The following VOPP1 variants were observed in gnomAD, a reference collection of about 807,000 sequenced individuals.
VOPP1 encodes the protein VOPP1 WW domain binding protein.
A neutral mutation model predicts 23.5 loss-of-function variants in VOPP1; 8 were observed. That is an observed-to-expected ratio of 0.34 (90% CI 0.20 to 0.61). VOPP1 has a LOEUF of 0.61. Ranked by LOEUF, VOPP1 falls within the 20% of genes least tolerant of loss-of-function variation. The pLI, the probability that VOPP1 is intolerant of heterozygous loss-of-function variation, is 0.78. For synonymous variants in VOPP1, 83 were observed against 97.3 expected (o/e 0.85, Z 0.86); for missense variants, 174 against 238.1 (o/e 0.73, Z 1.77).
intron 1 of VOPP1, among the ~76,000 whole-genome samples, chr7:55,542,321 T>C (rs1465943296): frequency 1.3e-5 from 2 of 152,238 alleles, no homozygotes; most frequent in Non-Finnish European, 2.9e-5. Context: ...TTTTGTTAAC[T>C]ACAGTTGCTC....
chr7:55,513,255 G>A (rs893732751), intron 2 of VOPP1, among the ~76,000 whole-genome samples: 2 of 152,060 alleles, frequency 1.3e-5, no homozygotes, highest in African/African-American at 4.8e-5. Flanking sequence ...CCTACACACT[G>A]GCTCCCTCCC....
At chr7:55,552,829 C>A (rs759425114) in intron 1 of VOPP1, 8 of 1,440,418 alleles carry the variant, frequency 5.6e-6, no homozygotes, top group Non-Finnish European at 5.4e-6. Flanking sequence ...CCATGCTCAA[C>A]CCAGAAAGGT....
At chr7:55,498,105 C>A (rs1186433516) in intron 2 of VOPP1, among the ~76,000 whole-genome samples, 1 of 152,220 alleles carries the variant, frequency 6.6e-6, no homozygotes, top group African/African-American at 2.4e-5. Context: ...GATGGAAATA[C>A]CCCACCACAT....
intron 4 of VOPP1, among the ~76,000 whole-genome samples, chr7:55,447,443 A>G (rs1334056854): frequency 6.6e-6 from 1 of 152,142 alleles, no homozygotes; most frequent in Admixed American, 6.6e-5. Flanking sequence ...TCAAACACTT[A>G]AACAATAGGT....
intron 4 of VOPP1, among the ~76,000 whole-genome samples, chr7:55,474,170 G>A (rs890103241): frequency 1.3e-5 from 2 of 152,218 alleles, no homozygotes; most frequent in Non-Finnish European, 2.9e-5. Context: ...CCCTGCATCT[G>A]TGCCGTCCCA....
chr7:55,497,065 G>A (rs1423585555), intron 3 of VOPP1, among the ~76,000 whole-genome samples: 1 of 152,204 alleles, frequency 6.6e-6, no homozygotes, highest in East Asian at 1.9e-4. Context: ...TCCCCCCATG[G>A]AATGTGCTCC....
intron 1 of VOPP1, among the ~76,000 whole-genome samples, chr7:55,559,642 A>C (rs979854750): frequency 1.3e-5 from 2 of 152,252 alleles, no homozygotes; most frequent in African/African-American, 4.8e-5. Context: ...TCAGAGATGA[A>C]TCTCAGCTTC....
chr7:55,502,750 A>G (rs1165414305), intron 2 of VOPP1, among the ~76,000 whole-genome samples: 3 of 152,358 alleles, frequency 2.0e-5, no homozygotes, highest in African/African-American at 7.2e-5. Context: ...GGATGCATCA[A>G]GTCAAATACT....
intron 3 of VOPP1, among the ~76,000 whole-genome samples, chr7:55,493,933 C>T (rs1177613226): frequency 2.6e-5 from 4 of 152,112 alleles, no homozygotes; most frequent in Middle Eastern, 3.2e-3. Flanking sequence ...GTGAGCAAGA[C>T]TGGGAACACT....
At position 55,542,533 on chromosome 7, in the gene VOPP1, T is replaced by C. The variant is rs1378896197; in HGVS notation, c.55-21403A>G. Among the ~76,000 whole-genome samples, 5 of 152,320 alleles carry C rather than the reference T, an allele frequency of 3.3e-5. No individual in the cohort carries two copies. In the East Asian group the frequency reaches 5.8e-4, roughly 18 times the overall value. On this transcript the variant is annotated intron_variant, in intron 1 of 4. Coordinates refer to ENST00000285279, the MANE Select transcript of VOPP1 (RefSeq NM_030796.5). ...AGGCTGGCATGGTGGCTCATGCCTG[T>C]GATCCCAGCACTTTGGGAGGCCGAG...
intron 2 of VOPP1, among the ~76,000 whole-genome samples, chr7:55,516,585 G>A (rs1172155743): frequency 6.6e-6 from 1 of 152,156 alleles, no homozygotes; most frequent in Non-Finnish European, 1.5e-5. Flanking sequence ...GGAGAAGGCG[G>A]CTGCCACCTG....
chr7:55,547,024 T>C (rs1797394229), intron 1 of VOPP1, among the ~76,000 whole-genome samples: 1 of 152,242 alleles, frequency 6.6e-6, no homozygotes, highest in Non-Finnish European at 1.5e-5. Flanking sequence ...ACCCACATTC[T>C]GCCAACCGCC....
At chr7:55,487,838 A>G (rs1006213878) in intron 4 of VOPP1, among the ~76,000 whole-genome samples, 2 of 151,902 alleles carry the variant, frequency 1.3e-5, no homozygotes, top group African/African-American at 4.8e-5. Context: ...GGGGCACCAC[A>G]CTCAGCTGAG....
At chr7:55,489,427 G>A (rs75927918) in intron 4 of VOPP1, among the ~76,000 whole-genome samples, 2,023 of 152,340 alleles carry the variant, frequency 0.013, 49 homozygotes, top group African/African-American at 0.046. Context: ...TCCGTGGGAA[G>A]CCTTCCTGGA....
At chr7:55,462,293 T>C (rs1038340987) in intron 4 of VOPP1, among the ~76,000 whole-genome samples, 46 of 152,214 alleles carry the variant, frequency 3.0e-4, no homozygotes, top group Admixed American at 2.7e-3. Flanking sequence ...TCAACAGTTA[T>C]AAGCTGAAAT....
intron 4 of VOPP1, among the ~76,000 whole-genome samples, chr7:55,442,284 G>T (rs1790983895): frequency 6.6e-6 from 1 of 151,910 alleles, no homozygotes; most frequent in Non-Finnish European, 1.5e-5. Context: ...CAAAGTCAAG[G>T]ATAAAAAATG....
chr7:55,496,239 G>A (rs1454725056), intron 3 of VOPP1, among the ~76,000 whole-genome samples: 4 of 152,136 alleles, frequency 2.6e-5, no homozygotes, highest in Admixed American at 6.5e-5. Flanking sequence ...TTACAAGCCC[G>A]TTCACAGTTC....
chr7:55,486,661 CA>C (rs1352833696), intron 4 of VOPP1, among the ~76,000 whole-genome samples: 1 of 152,220 alleles, frequency 6.6e-6, no homozygotes, highest in African/African-American at 2.4e-5. Context: ...CCTGATCAAC[CA>C]GTTTCCTTCT....
intron 3 of VOPP1, among the ~76,000 whole-genome samples, chr7:55,497,128 C>T (rs1198667811): frequency 6.6e-6 from 1 of 152,252 alleles, no homozygotes; most frequent in African/African-American, 2.4e-5. Context: ...AAGGAGCAGA[C>T]TTTGGACTGC....
Sources: gnomAD v4.1 joint callset for allele counts (sites outside exome capture counted in the v4.1 genomes callset) on GRCh38, gnomAD v4.1.1 for gene constraint, MANE v1.5 for transcripts, NCBI Gene and HGNC (gene_info 2026-07-23, HGNC 2026-07-21) for gene names.